Variants in GRK5 observed in about 807,000 individuals in gnomAD.
GRK5 encodes the protein g protein-coupled receptor kinase GRK5.
Under a neutral mutation model 78.4 loss-of-function variants are expected in GRK5, and 40 were observed. The ratio of observed to expected loss-of-function variants is 0.51; its 90% confidence interval spans 0.40 to 0.66. GRK5 has a LOEUF of 0.66. Ranked by LOEUF, GRK5 falls within the 30% of genes least tolerant of loss-of-function variation. The probability of loss-of-function intolerance (pLI) is 0.00; values close to 1 mark genes in which losing one functional copy is unlikely to be tolerated. For synonymous variants in GRK5, 289 were observed against 296.8 expected (o/e 0.97, Z 0.27); for missense variants, 598 against 759.9 (o/e 0.79, Z 2.50).
chr10:119,249,884 T>G (rs1458528553), intron 1 of GRK5, among the ~76,000 whole-genome samples: 2 of 152,244 alleles, frequency 1.3e-5, no homozygotes, highest in African/African-American at 4.8e-5. Flanking sequence ...TGTGCACGTG[T>G]GCAAGGATGT....
At chr10:119,441,956 T>G (rs1324095258) in intron 10 of GRK5, 43 bp from the exon 11 acceptor site, 5 of 1,531,726 alleles carry the variant, frequency 3.3e-6, no homozygotes, top group South Asian at 1.1e-5. Context: ...CGGGTGCCCA[T>G]GCGGCTGTCC....
chr10:119,442,072 C>G lies in GRK5; in HGVS notation c.1041C>G (p.Gly347=), dbSNP rs375799877. 6.2e-7 allele frequency: 1 copy of G among 1,613,848 alleles called. No homozygotes were observed. The highest frequency in any genetic ancestry group is 2.2e-5 in the East Asian group (1 of 44,870). ...GAGACCTGATCCGCGGCCGGGTGGG[C>G]ACTGTTGGCTACATGGGTGAGTGCT... The part of the protein sequence containing the change: ...PEGDLIRGRV[G]TVGYMAPEVL... Residue 347 remains glycine, a synonymous_variant, in exon 11 of 16, where the codon GGC becomes GGG. Coordinates refer to ENST00000392870, the MANE Select transcript of GRK5 (RefSeq NM_005308.3).
At chr10:119,370,380 A>G (rs915118616) in intron 2 of GRK5, among the ~76,000 whole-genome samples, 22 of 152,228 alleles carry the variant, frequency 1.4e-4, no homozygotes, top group African/African-American at 5.1e-4. Flanking sequence ...TGTGACAAGC[A>G]CAAGACATTC....
rs1853131979 is a variant in GRK5, at chr10:119,445,664, C to T, written c.1266+1912C>T. 6.6e-6 allele frequency among the ~76,000 whole-genome samples: 1 copy of T among 152,164 alleles called. No individual in the cohort carries two copies. Among genetic ancestry groups the T allele is most frequent in the South Asian group, 2.1e-4 (1 of 4,832 alleles). On this transcript the variant is annotated intron_variant, in intron 12 of 15. Coordinates refer to ENST00000392870, the MANE Select transcript of GRK5 (RefSeq NM_005308.3). This position sits in a 1 kb window ranked among gnomAD's most constrained non-coding sequence, Gnocchi z 4.1. ...TGGTCTTGGGAGTCTAGTCTTAGGCCTCCTTCACGCCCTTGACTGCAGCAT... is the reference window on the plus strand; with the variant it reads ...TGGTCTTGGGAGTCTAGTCTTAGGCTTCCTTCACGCCCTTGACTGCAGCAT...
chr10:119,272,639 T>C (rs1849602748), intron 1 of GRK5, among the ~76,000 whole-genome samples: 1 of 151,312 alleles, frequency 6.6e-6, no homozygotes, highest in Non-Finnish European at 1.5e-5. Flanking sequence ...GATCTCTATT[T>C]CATGGGGTCG....
At chr10:119,209,487 GTTTTTTT>G (rs60169912) in intron 1 of GRK5, among the ~76,000 whole-genome samples, 5 of 98,910 alleles carry the variant, frequency 5.1e-5, no homozygotes, top group African/African-American at 1.8e-4. Context: ...TGTGTGTGTG[GTTTTTTT>G]TTTTTTTTTT....
intron 1 of GRK5, among the ~76,000 whole-genome samples, chr10:119,291,633 CTTCTCT>C (rs1849961920): frequency 7.0e-6 from 1 of 142,620 alleles, no homozygotes; most frequent in African/African-American, 2.6e-5. Flanking sequence ...CCTCTTCCTC[CTTCTCT>C]TCTTCCTCCT....
intron 1 of GRK5, among the ~76,000 whole-genome samples, chr10:119,320,779 A>G (rs1226180126): frequency 1.3e-5 from 2 of 152,204 alleles, no homozygotes; most frequent in African/African-American, 2.4e-5. Flanking sequence ...GGCTGAGCCT[A>G]TGGGTGGTCA....
At chr10:119,411,509 G>A (rs566065455) in intron 4 of GRK5, among the ~76,000 whole-genome samples, 283 of 152,304 alleles carry the variant, frequency 1.9e-3, no homozygotes, top group Non-Finnish European at 3.2e-3. Context: ...TTGGAGACAA[G>A]GGAAGATCCA....
At chr10:119,390,830 TGA>T in intron 3 of GRK5, among the ~76,000 whole-genome samples, 1 of 152,220 alleles carries the variant, frequency 6.6e-6, no homozygotes, top group East Asian at 1.9e-4. Context: ...AAGAAAATTG[TGA>T]GAGATACAAT....
In GRK5 at chr10:119,437,023, C is replaced by T. The variant is rs915232046; in HGVS notation, c.929+182C>T. 6.6e-5 allele frequency among the ~76,000 whole-genome samples: 10 copies of T among 152,178 alleles called. No individual in the cohort carries two copies. The East Asian group carries it at 7.7e-4, about 12-fold the overall frequency. On this transcript the variant is annotated intron_variant, in intron 9 of 15. Coordinates refer to ENST00000392870, the MANE Select transcript of GRK5 (RefSeq NM_005308.3). ...GCTGGGGCCTCCGGCACTGAGGAAGCGAGGTGGGCCACCCTCTGGCCAGTG... is the reference window on the plus strand; with the variant it reads ...GCTGGGGCCTCCGGCACTGAGGAAGTGAGGTGGGCCACCCTCTGGCCAGTG...
chr10:119,219,876 C>T (rs1008826982), intron 1 of GRK5, among the ~76,000 whole-genome samples: 5 of 152,012 alleles, frequency 3.3e-5, no homozygotes, highest in African/African-American at 7.3e-5. Context: ...TTGGCCAAAT[C>T]GAAGGTAACT....
chr10:119,220,266 G>A (rs1183050320), intron 1 of GRK5, among the ~76,000 whole-genome samples: 1 of 152,178 alleles, frequency 6.6e-6, no homozygotes, highest in Non-Finnish European at 1.5e-5. Context: ...CATTGCTTGG[G>A]ATGGAATGCA....
intron 2 of GRK5, chr10:119,335,872 C>G (rs934303039): frequency 3.9e-5 from 6 of 152,272 alleles, no homozygotes; most frequent in African/African-American, 1.4e-4. Flanking sequence ...AGCTTACTTT[C>G]TCTAGTTTGC....
At chr10:119,288,232 C>T (rs1437682879) in intron 1 of GRK5, among the ~76,000 whole-genome samples, 1 of 152,170 alleles carries the variant, frequency 6.6e-6, no homozygotes, top group South Asian at 2.1e-4. Context: ...AAGGCCGTGG[C>T]TTACCGTCGA....
At position 119,458,635 on chromosome 10, in the gene GRK5, T is replaced by C. The variant is rs1853437583; in HGVS notation, c.*3568T>C. The C allele has an allele frequency of 6.6e-6, 1 of 152,136 alleles. No individual in the cohort carries two copies. The highest frequency in any genetic ancestry group is 1.5e-5 in the Non-Finnish European group (1 of 68,098). 9.4% of individuals were successfully genotyped at this position (152,136 alleles called of 1,614,324 possible). ...GGAAGTCCTGGGAACACACACAGCCTTTGCATTGACAGCACAAGTAGGATC... is the reference window on the plus strand; with the variant it reads ...GGAAGTCCTGGGAACACACACAGCCCTTGCATTGACAGCACAAGTAGGATC... On this transcript the variant is annotated 3_prime_UTR_variant, in exon 16 of 16. Coordinates refer to ENST00000392870, the MANE Select transcript of GRK5 (RefSeq NM_005308.3).
intron 2 of GRK5, among the ~76,000 whole-genome samples, chr10:119,346,321 G>T (rs1034638149): frequency 6.6e-6 from 1 of 152,240 alleles, no homozygotes; most frequent in Non-Finnish European, 1.5e-5. Flanking sequence ...CCCTGGAGCA[G>T]GTATAGCTCA....
intron 6 of GRK5, among the ~76,000 whole-genome samples, chr10:119,429,112 C>T (rs1478460049): frequency 2.0e-5 from 3 of 152,230 alleles, no homozygotes; most frequent in Non-Finnish European, 4.4e-5. Flanking sequence ...GCGGGATACC[C>T]GCAGAGGGGC....
At chr10:119,209,611 A>T (rs1848452476) in intron 1 of GRK5, among the ~76,000 whole-genome samples, 1 of 149,728 alleles carries the variant, frequency 6.7e-6, no homozygotes, top group Non-Finnish European at 1.5e-5. Context: ...AGCAGAGAAA[A>T]CAGCCCTCCA....
Sources: allele counts gnomAD v4.1 joint callset (sites outside exome capture counted in the v4.1 genomes callset), GRCh38; gene constraint gnomAD v4.1.1; non-coding constraint Gnocchi (gnomAD v3.1); transcripts MANE v1.5; gene names NCBI Gene and HGNC (gene_info 2026-07-23, HGNC 2026-07-21).